Variants in NREP observed in about 807,000 individuals in gnomAD.
NREP encodes the protein neuronal regeneration-related protein.
NREP carries 5 observed loss-of-function variants against 8.6 expected under a neutral mutation model. The observed-to-expected ratio is 0.58, with a 90% confidence interval of 0.30 to 1.22. NREP has a LOEUF of 1.22. Among genes scored for constraint, NREP ranks in the 50% most tolerant of loss-of-function variants. NREP has a pLI of 0.07. For missense variants in NREP, 86 were observed against 82.5 expected, an observed-to-expected ratio of 1.04 and a Z score of -0.17; for synonymous variants, 27 against 28.0, an observed-to-expected ratio of 0.96 and a Z score of 0.11.
intron 2 of NREP, among the ~76,000 whole-genome samples, chr5:111,945,290 T>C (rs937233870): frequency 4.6e-5 from 7 of 152,126 alleles, no homozygotes; most frequent in African/African-American, 1.4e-4. Context: ...AAGAACTTTT[T>C]TTTTATTATA....
At chr5:111,882,440 G>C (rs1754106826) in intron 2 of NREP, among the ~76,000 whole-genome samples, 1 of 152,220 alleles carries the variant, frequency 6.6e-6, no homozygotes, top group South Asian at 2.1e-4. Flanking sequence ...CCCCAATCTA[G>C]CAAGGCAGGC....
intron 2 of NREP, chr5:111,739,390 A>AG (rs1417541322): frequency 2.0e-5 from 3 of 152,252 alleles, no homozygotes; most frequent in Non-Finnish European, 4.4e-5. Flanking sequence ...TGCAGCTCCT[A>AG]GGGGCCACAG....
intron 2 of NREP, among the ~76,000 whole-genome samples, chr5:111,871,510 T>C (rs1202443419): frequency 6.6e-6 from 1 of 152,148 alleles, no homozygotes; most frequent in African/African-American, 2.4e-5. Flanking sequence ...TTTTTTAAAA[T>C]AGTTTTATTT....
chr5:111,769,442 T>TG (rs927066365), intron 2 of NREP, among the ~76,000 whole-genome samples: 47 of 152,192 alleles, frequency 3.1e-4, no homozygotes, highest in African/African-American at 9.6e-4. Context: ...AAAGAATGCC[T>TG]GGGGGGAGGG....
At chr5:111,969,177 GCC>G (rs1358751665) in intron 2 of NREP, among the ~76,000 whole-genome samples, 2 of 152,188 alleles carry the variant, frequency 1.3e-5, no homozygotes, top group African/African-American at 4.8e-5. Flanking sequence ...ACAGAATGTT[GCC>G]TGCTCAATGA....
At chr5:111,806,141 G>A (rs1193754520) in intron 2 of NREP, among the ~76,000 whole-genome samples, 1 of 152,134 alleles carries the variant, frequency 6.6e-6, no homozygotes, top group African/African-American at 2.4e-5. Context: ...TAAAAAGCTA[G>A]GGGTTAGGCT....
intron 2 of NREP, among the ~76,000 whole-genome samples, chr5:111,773,588 T>G (rs1751287522): frequency 6.6e-6 from 1 of 152,172 alleles, no homozygotes; most frequent in Admixed American, 6.5e-5. Context: ...GCAACAAAGA[T>G]CTACAAGAAT....
chr5:111,868,128 C>T (rs559343919), intron 2 of NREP, among the ~76,000 whole-genome samples: 1 of 152,086 alleles, frequency 6.6e-6, no homozygotes, highest in African/African-American at 2.4e-5. Flanking sequence ...AGACAAACAT[C>T]GCGTCTTTAT....
chr5:111,892,785 C>T (rs1247377947), intron 2 of NREP, among the ~76,000 whole-genome samples: 1 of 151,984 alleles, frequency 6.6e-6, no homozygotes. Context: ...AGACTTAGTG[C>T]CACAGGGCAG....
intron 2 of NREP, among the ~76,000 whole-genome samples, chr5:111,749,017 C>T (rs981879707): frequency 6.6e-6 from 1 of 152,074 alleles, no homozygotes; most frequent in Non-Finnish European, 1.5e-5. Flanking sequence ...TTTATTTTGT[C>T]AGGAGGTGTA....
chr5:111,806,707 A>G (rs1752152429), intron 2 of NREP, among the ~76,000 whole-genome samples: 1 of 151,096 alleles, frequency 6.6e-6, no homozygotes, highest in Non-Finnish European at 1.5e-5. Context: ...GTGCCAATCT[A>G]AGTTTCTTTT....
intron 3 of NREP, chr5:111,734,557 C>A: frequency 2.3e-6 from 1 of 441,010 alleles, no homozygotes; most frequent in Non-Finnish European, 4.0e-6. Flanking sequence ...GTTGATACAA[C>A]CTCTTCAGTT....
chr5:111,945,185 T>G (rs1294077346), intron 2 of NREP, among the ~76,000 whole-genome samples: 1 of 152,134 alleles, frequency 6.6e-6, no homozygotes, highest in East Asian at 1.9e-4. Flanking sequence ...TTTCCAAAAT[T>G]TAAAAAATTA....
At chr5:111,749,140 T>C (rs1171908142) in intron 2 of NREP, among the ~76,000 whole-genome samples, 1 of 151,996 alleles carries the variant, frequency 6.6e-6, no homozygotes, top group African/African-American at 2.4e-5. Flanking sequence ...TGGCTAGAAA[T>C]AAAGGATTAA....
chr5:111,883,079 G>C (rs1483536825), intron 2 of NREP, among the ~76,000 whole-genome samples: 5 of 152,168 alleles, frequency 3.3e-5, no homozygotes, highest in Admixed American at 2.6e-4. Context: ...ATTCAGGAAA[G>C]CCATCTCACG....
intron 2 of NREP, among the ~76,000 whole-genome samples, chr5:111,796,918 G>A (rs185563133): frequency 1.3e-5 from 2 of 152,032 alleles, no homozygotes; most frequent in African/African-American, 4.8e-5. Flanking sequence ...TGTATTTAAG[G>A]GCTTGCTGTC....
chr5:111,941,344 G>C (rs1285088613), intron 2 of NREP, among the ~76,000 whole-genome samples: 1 of 152,018 alleles, frequency 6.6e-6, no homozygotes, highest in East Asian at 1.9e-4. Context: ...CAGACTGAGT[G>C]GCTTACACAA....
chr5:111,850,571 A>C (rs1191877092), intron 2 of NREP, among the ~76,000 whole-genome samples: 1 of 151,920 alleles, frequency 6.6e-6, no homozygotes, highest in Admixed American at 6.6e-5. Flanking sequence ...CTTATGGTTA[A>C]CCTTTACTGC....
At chr5:111,826,479 C>A (rs2112930005) in intron 2 of NREP, among the ~76,000 whole-genome samples, 1 of 152,310 alleles carries the variant, frequency 6.6e-6, no homozygotes, top group East Asian at 1.9e-4. Context: ...GGCTTCACTC[C>A]TGAAGTCAGC....
Sources: allele counts gnomAD v4.1 joint callset (sites outside exome capture counted in the v4.1 genomes callset), GRCh38; gene constraint gnomAD v4.1.1; transcripts MANE v1.5; gene names NCBI Gene and HGNC (gene_info 2026-07-23, HGNC 2026-07-21).